The following EPHA3 variants were observed in gnomAD, a reference collection of about 807,000 sequenced individuals.
The protein encoded by EPHA3 is ephrin type-A receptor 3.
In EPHA3, 42 loss-of-function variants were observed where a neutral mutation model predicts 107.1. The observed-to-expected ratio is 0.39, with a 90% CI of 0.31 to 0.51. EPHA3 has a LOEUF of 0.51. EPHA3 is among the 20% of genes least tolerant of loss of function. The pLI is 0.78. For missense variants in EPHA3, 1,183 were observed against 1,211.2 expected (o/e 0.98, Z 0.35); for synonymous variants, 461 against 424.8 (o/e 1.09, Z -1.05).
intron 2 of EPHA3, among the ~76,000 whole-genome samples, chr3:89,147,210 C>G (rs1484881642): frequency 1.3e-5 from 2 of 151,666 alleles, no homozygotes; most frequent in Admixed American, 1.3e-4. Context: ...GAAGGCAGAG[C>G]ATTAGGATGA....
intron 1 of EPHA3, among the ~76,000 whole-genome samples, chr3:89,124,383 T>A (rs990949419): frequency 1.3e-5 from 2 of 152,174 alleles, no homozygotes; most frequent in Non-Finnish European, 2.9e-5. Context: ...CTACAATGGA[T>A]CACAGGAGAT....
At chr3:89,264,444 C>A (rs1393886703) in intron 3 of EPHA3, among the ~76,000 whole-genome samples, 51 of 152,252 alleles carry the variant, frequency 3.3e-4, no homozygotes, top group Admixed American at 3.3e-3. Flanking sequence ...CTCTTCCCCA[C>A]CAACTCCTAC....
chr3:89,174,674 T>G (rs1705281509), intron 2 of EPHA3, among the ~76,000 whole-genome samples: 1 of 151,992 alleles, frequency 6.6e-6, no homozygotes, highest in African/African-American at 2.4e-5. Context: ...CCAACAGTCT[T>G]AGAACCACAC....
At chr3:89,146,215 G>A (rs1704555096) in intron 2 of EPHA3, among the ~76,000 whole-genome samples, 1 of 151,822 alleles carries the variant, frequency 6.6e-6, no homozygotes, top group Non-Finnish European at 1.5e-5. Flanking sequence ...GTATACACAG[G>A]ACCAGCCCAT....
At chr3:89,387,898 A>T (rs1708654438) in intron 5 of EPHA3, among the ~76,000 whole-genome samples, 1 of 152,144 alleles carries the variant, frequency 6.6e-6, no homozygotes, top group Non-Finnish European at 1.5e-5. Flanking sequence ...AAACTACTTT[A>T]GATCTTTAAA....
At chr3:89,226,304 G>A (rs529985605) in intron 3 of EPHA3, among the ~76,000 whole-genome samples, 2 of 152,194 alleles carry the variant, frequency 1.3e-5, no homozygotes, top group African/African-American at 4.8e-5. Flanking sequence ...AGAGGATAAA[G>A]TGACATCATG....
chr3:89,209,739 C>A, intron 2 of EPHA3, 121 bp from the exon 3 acceptor site: 4 of 845,672 alleles, frequency 4.7e-6, no homozygotes, highest in Non-Finnish European at 6.9e-6. Context: ...AAACTACAAA[C>A]AAGAATGTTT....
At chr3:89,342,542 A>C (rs1439526703) in intron 5 of EPHA3, among the ~76,000 whole-genome samples, 1 of 152,176 alleles carries the variant, frequency 6.6e-6, no homozygotes, top group African/African-American at 2.4e-5. Flanking sequence ...ATAGTTATAA[A>C]TCTCTGATTG....
intron 2 of EPHA3, among the ~76,000 whole-genome samples, chr3:89,204,178 C>G (rs1706043928): frequency 6.6e-6 from 1 of 152,058 alleles, no homozygotes; most frequent in Non-Finnish European, 1.5e-5. Context: ...CTTTGTTTCC[C>G]AGATCTTTTC....
intron 1 of EPHA3, among the ~76,000 whole-genome samples, chr3:89,118,091 T>C (rs1439836584): frequency 2.0e-5 from 3 of 152,008 alleles, no homozygotes; most frequent in East Asian, 3.9e-4. Context: ...TGGTTTACTT[T>C]TACTATCTGG....
intron 13 of EPHA3, among the ~76,000 whole-genome samples, chr3:89,438,742 G>A (rs1213706885): frequency 6.6e-6 from 1 of 152,084 alleles, no homozygotes; most frequent in Non-Finnish European, 1.5e-5. Context: ...AGTCAACTAC[G>A]AATTTATTGC....
intron 2 of EPHA3, among the ~76,000 whole-genome samples, chr3:89,156,209 A>G (rs949442909): frequency 2.6e-5 from 4 of 152,068 alleles, no homozygotes; most frequent in Non-Finnish European, 5.9e-5. Context: ...CATTGTGTCT[A>G]AAGAAACTTG....
chr3:89,357,735 G>A (rs1033486462), intron 5 of EPHA3, among the ~76,000 whole-genome samples: 15 of 151,106 alleles, frequency 9.9e-5, no homozygotes, highest in African/African-American at 3.6e-4. Context: ...ATTGCCTACT[G>A]TTCCATTAAC....
chr3:89,335,447 A>T (rs1038220236), intron 3 of EPHA3, among the ~76,000 whole-genome samples: 4 of 152,234 alleles, frequency 2.6e-5, no homozygotes, highest in African/African-American at 9.6e-5. Context: ...TATTTTAGGG[A>T]AACACAATCA....
At chr3:89,152,271 T>C (rs1472842716) in intron 2 of EPHA3, among the ~76,000 whole-genome samples, 1 of 152,096 alleles carries the variant, frequency 6.6e-6, no homozygotes, top group Non-Finnish European at 1.5e-5. Flanking sequence ...ATAAGTCACC[T>C]ATACATTAGA....
At chr3:89,242,407 C>CT (rs1559615753) in intron 3 of EPHA3, among the ~76,000 whole-genome samples, 1 of 152,188 alleles carries the variant, frequency 6.6e-6, no homozygotes, top group South Asian at 2.1e-4. Flanking sequence ...TTAGTATTTT[C>CT]TTTTTTGTTG....
intron 3 of EPHA3, among the ~76,000 whole-genome samples, chr3:89,224,940 C>A (rs777418771): frequency 6.6e-6 from 1 of 151,706 alleles, no homozygotes; most frequent in African/African-American, 2.4e-5. Context: ...AAAATATAGA[C>A]GGGAAAGGTT....
Position 89,107,661 on chromosome 3 carries a change from A to T in EPHA3, c.-88A>T. ...ATCAGCCTGCGAGCGGAGCATGGTAACTTCTCCAGCAATCAGAGCGCTCCC... is the reference window on the plus strand; with the variant it reads ...ATCAGCCTGCGAGCGGAGCATGGTATCTTCTCCAGCAATCAGAGCGCTCCC... On this transcript the variant is annotated 5_prime_UTR_variant, in exon 1 of 17. Coordinates refer to ENST00000336596, the MANE Select transcript of EPHA3 (RefSeq NM_005233.6). 4.1e-6 allele frequency: 5 copies of T among 1,232,558 alleles called. No individual in the cohort carries two copies. Among genetic ancestry groups the T allele is most frequent in the Non-Finnish European group, 5.9e-6 (5 of 845,436 alleles). 76.4% of individuals were successfully genotyped at this position (1,232,558 alleles called of 1,614,324 possible).
chr3:89,361,673 G>A (rs1303882054), intron 5 of EPHA3, among the ~76,000 whole-genome samples: 1 of 151,054 alleles, frequency 6.6e-6, no homozygotes, highest in Non-Finnish European at 1.5e-5. Context: ...GTTTCCTGGA[G>A]CTAAGACGAA....
Sources: allele counts gnomAD v4.1 joint callset (sites outside exome capture counted in the v4.1 genomes callset), GRCh38; gene constraint gnomAD v4.1.1; transcripts MANE v1.5; gene names NCBI Gene and HGNC (gene_info 2026-07-23, HGNC 2026-07-21).